Variants in PLCE1 observed in about 807,000 individuals in gnomAD.
The protein encoded by PLCE1 is 1-phosphatidylinositol 4,5-bisphosphate phosphodiesterase epsilon-1.
Under a neutral mutation model 242.8 loss-of-function variants are expected in PLCE1, and 119 were observed. The observed-to-expected ratio is 0.49, with a 90% CI of 0.42 to 0.57. The LOEUF (loss-of-function observed/expected upper bound fraction) is 0.57. PLCE1 is among the 20% of genes least tolerant of loss of function. PLCE1 has a pLI of 0.00. For synonymous variants in PLCE1, 945 were observed against 1,017.4 expected (o/e 0.93, Z 1.35); for missense variants, 2,441 against 2,788.8 (o/e 0.88, Z 2.81).
At chr10:94,120,944 G>A (rs1275562195) in intron 2 of PLCE1, 2 of 152,344 alleles carry the variant, frequency 1.3e-5, no homozygotes, top group African/African-American at 4.8e-5. Context: ...GGGACTAAGA[G>A]GAAGTTGAAG....
intron 3 of PLCE1, among the ~76,000 whole-genome samples, chr10:94,144,301 GTGTGTGTGTGTCTC>G (rs1283555630): frequency 3.3e-5 from 5 of 152,134 alleles, no homozygotes; most frequent in Non-Finnish European, 5.9e-5. Context: ...TTATACCAGT[GTGTGTGTGTGTCTC>G]TGTGTGTGTG....
chr10:94,247,967 T>C (rs932090581), intron 8 of PLCE1, among the ~76,000 whole-genome samples: 4 of 152,242 alleles, frequency 2.6e-5, no homozygotes, highest in Admixed American at 2.6e-4. Flanking sequence ...TTTTCTTTGC[T>C]ATGCTTTTCT....
In PLCE1 at chr10:94,252,430, C is replaced by T. The variant is rs530440610; in HGVS notation, c.3211C>T (p.Pro1071Ser). ...AACATCAGCAAAGAATGCTGAGAAG[C>T]CCAATATGCAGAGAAACAATACCCT... is the stretch of plus-strand genomic sequence containing the variant. ...PGTSAKNAEK[P>S]NMQRNNTLGI... The change falls in exon 9 of 33, where the codon CCC (proline) becomes TCC (serine). Residue 1071 changes from proline (P) to serine (S), a missense_variant. Transcript: ENST00000371380. The T allele has an allele frequency of 6.2e-7, 1 of 1,613,944 alleles. No individual in the cohort carries two copies. Among genetic ancestry groups the T allele is most frequent in the African/African-American group, 1.3e-5 (1 of 74,986 alleles).
intron 1 of PLCE1, among the ~76,000 whole-genome samples, chr10:94,030,237 C>T (rs548609845): frequency 4.8e-4 from 73 of 152,200 alleles, no homozygotes; most frequent in African/African-American, 1.7e-3. Flanking sequence ...CTTCCTTGGC[C>T]TCCCTGAAGT....
At chr10:94,053,922 A>G (rs892915938) in intron 2 of PLCE1, among the ~76,000 whole-genome samples, 19 of 152,194 alleles carry the variant, frequency 1.2e-4, no homozygotes, top group Admixed American at 1.0e-3. Flanking sequence ...GAATTATTAA[A>G]AAGTAAATGG....
At position 94,276,809 on chromosome 10, in the gene PLCE1, C is replaced by T. The variant is rs2051970458; in HGVS notation, c.4666-2973C>T. Among the ~76,000 whole-genome samples, 5 of 152,144 alleles carry T rather than the reference C, an allele frequency of 3.3e-5. No individual in the cohort carries two copies. In the South Asian group the frequency reaches 1.0e-3, roughly 32 times the overall value. ...TTGACACTGCCCACAGTATAATTTC[C>T]ACAACTTACTTGTTCCTTATTTTGG... On this transcript the variant is annotated intron_variant, in intron 19 of 32. Transcript: ENST00000371380.
chr10:94,302,062 C>T (rs2053057666), intron 24 of PLCE1, among the ~76,000 whole-genome samples: 1 of 152,154 alleles, frequency 6.6e-6, no homozygotes, highest in Non-Finnish European at 1.5e-5. Context: ...GATTTGTGCA[C>T]ACTTTTTCAC....
intron 3 of PLCE1, among the ~76,000 whole-genome samples, chr10:94,134,215 C>T (rs1220801692): frequency 6.6e-6 from 1 of 151,966 alleles, no homozygotes; most frequent in Non-Finnish European, 1.5e-5. Flanking sequence ...TCTCATGCCT[C>T]AGCCTCCCGA....
chr10:94,165,359 C>A (rs1388809205), intron 3 of PLCE1, among the ~76,000 whole-genome samples: 4 of 152,222 alleles, frequency 2.6e-5, no homozygotes, highest in African/African-American at 9.6e-5. Context: ...CTCGCTGCCG[C>A]CTTGCAGTTT....
chr10:94,224,124 T>G (rs1007731566), intron 4 of PLCE1, among the ~76,000 whole-genome samples: 1 of 151,770 alleles, frequency 6.6e-6, no homozygotes, highest in Non-Finnish European at 1.5e-5. Context: ...GTGTGTGTGG[T>G]GTGTCTGTGT....
chr10:94,006,617 T>A (rs982063789), intron 1 of PLCE1, among the ~76,000 whole-genome samples: 35 of 152,254 alleles, frequency 2.3e-4, no homozygotes, highest in Admixed American at 1.8e-3. Flanking sequence ...TTGTTTTTTT[T>A]AAAATTTACT....
intron 24 of PLCE1, among the ~76,000 whole-genome samples, chr10:94,302,841 C>T (rs562514002): frequency 2.6e-5 from 4 of 152,292 alleles, no homozygotes; most frequent in Admixed American, 1.3e-4. Context: ...GTGCAGAGTG[C>T]GAGCTGCCAT....
chr10:94,156,979 G>A (rs1262487568), intron 3 of PLCE1, among the ~76,000 whole-genome samples: 1 of 152,036 alleles, frequency 6.6e-6, no homozygotes, highest in African/African-American at 2.4e-5. Flanking sequence ...AAGAGCTGAC[G>A]AGTTAAGAAC....
intron 4 of PLCE1, among the ~76,000 whole-genome samples, chr10:94,177,790 G>A (rs991058003): frequency 2.0e-5 from 3 of 152,126 alleles, no homozygotes; most frequent in African/African-American, 4.8e-5. Flanking sequence ...AAATGCAGAG[G>A]CATTTTTATA....
In PLCE1 at chr10:94,329,258, A is replaced by C. The variant is rs560304789; in HGVS notation, c.*1315A>C. On this transcript the variant is annotated 3_prime_UTR_variant, in exon 33 of 33. Coordinates refer to ENST00000371380, the MANE Select transcript of PLCE1 (RefSeq NM_016341.4). ...AACCATTAAGTGTAAAGGATTCTTC[A>C]TATTCTTAGTATGAAGCAAATTATG... 6.6e-6 allele frequency: 1 copy of C among 152,304 alleles called. No homozygotes were observed. The highest frequency in any genetic ancestry group is 2.4e-5 in the African/African-American group (1 of 41,574). 9.4% of individuals were successfully genotyped at this position (152,304 alleles called of 1,614,324 possible).
At chr10:94,150,136 G>T (rs183455213) in intron 3 of PLCE1, among the ~76,000 whole-genome samples, 69 of 152,294 alleles carry the variant, frequency 4.5e-4, no homozygotes, top group African/African-American at 1.5e-3. Context: ...GACAACCTCC[G>T]TGGAGGTCAT....
At chr10:94,079,862 A>T (rs1424688911) in intron 2 of PLCE1, among the ~76,000 whole-genome samples, 1 of 152,186 alleles carries the variant, frequency 6.6e-6, no homozygotes, top group Non-Finnish European at 1.5e-5. Flanking sequence ...AAGCATATGC[A>T]AGGAACTTTC....
intron 2 of PLCE1, among the ~76,000 whole-genome samples, chr10:94,054,547 C>T (rs1219978136): frequency 6.6e-6 from 1 of 152,150 alleles, no homozygotes; most frequent in African/African-American, 2.4e-5. Flanking sequence ...ACTCAGAGAC[C>T]GAGAACTAAA....
chr10:94,267,775 A>G (rs539528219), intron 16 of PLCE1, among the ~76,000 whole-genome samples: 1 of 152,224 alleles, frequency 6.6e-6, no homozygotes, highest in South Asian at 2.1e-4. Context: ...AAGGCACTGC[A>G]CCTCTAGATA....
Sources: gnomAD v4.1 joint callset for allele counts (sites outside exome capture counted in the v4.1 genomes callset) on GRCh38, gnomAD v4.1.1 for gene constraint, MANE v1.5 for transcripts, NCBI Gene and HGNC (gene_info 2026-07-23, HGNC 2026-07-21) for gene names.